The following NKAIN2 variants were observed in gnomAD, a reference collection of about 807,000 sequenced individuals.
NKAIN2 encodes sodium/potassium-transporting ATPase subunit beta-1-interacting protein 2.
NKAIN2 carries 14 observed loss-of-function variants against 32.6 expected under a neutral mutation model. The ratio of observed to expected loss-of-function variants is 0.43; its 90% CI spans 0.28 to 0.67. The LOEUF (loss-of-function observed/expected upper bound fraction) is 0.67. Ranked by LOEUF, NKAIN2 falls within the 30% of genes least tolerant of loss-of-function variation. The pLI is 0.17. For synonymous variants in NKAIN2, 80 were observed against 87.2 expected (o/e 0.92, Z 0.46); for missense variants, 198 against 258.3 (o/e 0.77, Z 1.60).
At chr6:124,228,018 G>C (rs1792214333) in intron 1 of NKAIN2, among the ~76,000 whole-genome samples, 1 of 152,092 alleles carries the variant, frequency 6.6e-6, no homozygotes, top group Non-Finnish European at 1.5e-5. Flanking sequence ...ACACTTTCTT[G>C]CTATATTCTC....
intron 4 of NKAIN2, among the ~76,000 whole-genome samples, chr6:124,694,742 A>G (rs2114549083): frequency 6.6e-6 from 1 of 152,180 alleles, no homozygotes; most frequent in East Asian, 1.9e-4. Context: ...TGGAAGCCAT[A>G]GTTTAATCTA....
In NKAIN2 at chr6:124,282,995, G is replaced by C; in HGVS notation, c.55-10G>C. The stretch of plus-strand genomic sequence containing the variant: ...CATGCTGATCTGTCCATCCTGTTTT[G>C]CTATTCTAGGTTTGTGTGCTGGAGA... On this transcript the variant is annotated splice_polypyrimidine_tract_variant and intron_variant, in intron 1 of 6. Transcript: ENST00000368417. The C allele has an allele frequency of 6.2e-7, 1 of 1,613,232 alleles. No individual in the cohort carries two copies.
intron 1 of NKAIN2, among the ~76,000 whole-genome samples, chr6:124,088,808 A>G (rs1254269066): frequency 1.3e-5 from 2 of 152,044 alleles, no homozygotes; most frequent in African/African-American, 4.8e-5. Context: ...TTTGTGTGCT[A>G]AAATAAATTC....
intron 3 of NKAIN2, among the ~76,000 whole-genome samples, chr6:124,387,000 A>G (rs75361896): frequency 0.011 from 1,679 of 152,186 alleles, 25 homozygotes; most frequent in African/African-American, 0.037. Flanking sequence ...CTAATTTCTT[A>G]TTCTTCTTAG....
intron 1 of NKAIN2, among the ~76,000 whole-genome samples, chr6:123,809,408 T>G (rs1369505430): frequency 6.6e-6 from 1 of 152,130 alleles, no homozygotes; most frequent in African/African-American, 2.4e-5. Flanking sequence ...GAAATAAAAT[T>G]ATATGAAGCA....
At chr6:124,611,702 T>C (rs1782695587) in intron 3 of NKAIN2, among the ~76,000 whole-genome samples, 1 of 152,178 alleles carries the variant, frequency 6.6e-6, no homozygotes, top group African/African-American at 2.4e-5. Context: ...AAAATAGTTG[T>C]TACTGTGTGT....
intron 1 of NKAIN2, among the ~76,000 whole-genome samples, chr6:124,275,693 G>A (rs1794997156): frequency 6.6e-6 from 1 of 151,958 alleles, no homozygotes; most frequent in Non-Finnish European, 1.5e-5. Context: ...TATTTGTCAT[G>A]GTATTATTTG....
At chr6:124,331,345 C>CAAAAAAAAAAAAAAAAAAAAAAAAA (rs1162529828) in intron 2 of NKAIN2, among the ~76,000 whole-genome samples, 4 of 20,816 alleles carry the variant, frequency 1.9e-4, no homozygotes, top group East Asian at 1.8e-3. Context: ...ACTAAATATA[C>CAAAAAAAAAAAAAAAAAAAAAAAAA]AAAAAAAAAA....
chr6:123,852,213 T>G (rs954312272), intron 1 of NKAIN2, among the ~76,000 whole-genome samples: 7 of 152,228 alleles, frequency 4.6e-5, no homozygotes, highest in Non-Finnish European at 1.0e-4. Flanking sequence ...CAACATGATC[T>G]TTTGATATAT....
chr6:123,928,553 T>C (rs1014121828), intron 1 of NKAIN2, among the ~76,000 whole-genome samples: 1 of 152,180 alleles, frequency 6.6e-6, no homozygotes, highest in African/African-American at 2.4e-5. Flanking sequence ...CAGAGAAAAT[T>C]CTATTTCTTA....
intron 1 of NKAIN2, among the ~76,000 whole-genome samples, chr6:124,114,059 T>C (rs1196194809): frequency 6.6e-6 from 1 of 152,212 alleles, no homozygotes; most frequent in Non-Finnish European, 1.5e-5. Context: ...TATTTAACAC[T>C]GTAAGGTATC....
chr6:123,937,282 T>G (rs932576515), intron 1 of NKAIN2, among the ~76,000 whole-genome samples: 1 of 152,110 alleles, frequency 6.6e-6, no homozygotes, highest in Non-Finnish European at 1.5e-5. Context: ...TAAATTCAAC[T>G]TAACTCATTG....
intron 3 of NKAIN2, among the ~76,000 whole-genome samples, chr6:124,510,180 A>G (rs1778657164): frequency 1.3e-5 from 2 of 152,018 alleles, no homozygotes; most frequent in Admixed American, 1.3e-4. Context: ...TTATTTTTAC[A>G]TCGAATGTTG....
chr6:123,846,164 G>A (rs928008500), intron 1 of NKAIN2, among the ~76,000 whole-genome samples: 1 of 152,174 alleles, frequency 6.6e-6, no homozygotes, highest in African/African-American at 2.4e-5. Context: ...GTGTGTATAT[G>A]CTGAGTCGTT....
chr6:124,610,052 C>T, intron 3 of NKAIN2, among the ~76,000 whole-genome samples: 1 of 152,180 alleles, frequency 6.6e-6, no homozygotes, highest in East Asian at 1.9e-4. Flanking sequence ...CGACCTCCTC[C>T]TCTGTGAAGT....
intron 3 of NKAIN2, among the ~76,000 whole-genome samples, chr6:124,373,650 G>C (rs912366106): frequency 6.6e-6 from 1 of 152,154 alleles, no homozygotes; most frequent in African/African-American, 2.4e-5. Context: ...CAAAGGAGGA[G>C]TGCCCAGTGA....
chr6:124,188,138 A>C (rs1789836590), intron 1 of NKAIN2, among the ~76,000 whole-genome samples: 1 of 152,190 alleles, frequency 6.6e-6, no homozygotes, highest in Non-Finnish European at 1.5e-5. Context: ...TCAGGAGAAA[A>C]AATTTTAAAC....
intron 1 of NKAIN2, among the ~76,000 whole-genome samples, chr6:124,221,106 C>T (rs957694604): frequency 4.5e-4 from 68 of 151,468 alleles, no homozygotes; most frequent in Admixed American, 4.3e-3. Flanking sequence ...CACATGCACA[C>T]GTATGTTTAT....
At chr6:123,985,178 T>C (rs1207272035) in intron 1 of NKAIN2, among the ~76,000 whole-genome samples, 1 of 152,034 alleles carries the variant, frequency 6.6e-6, no homozygotes, top group Non-Finnish European at 1.5e-5. Flanking sequence ...GAGGGGTGGG[T>C]CACCTGAGGT....
Sources: allele counts gnomAD v4.1 joint callset (sites outside exome capture counted in the v4.1 genomes callset), GRCh38; gene constraint gnomAD v4.1.1; transcripts MANE v1.5; gene names NCBI Gene and HGNC (gene_info 2026-07-23, HGNC 2026-07-21).